LRRC56: variants seen among roughly 807,000 people sequenced by gnomAD.
LRRC56 encodes the protein leucine-rich repeat-containing protein 56.
Under a neutral mutation model 47.8 loss-of-function variants are expected in LRRC56, and 41 were observed. That is an observed-to-expected ratio of 0.86 (90% confidence interval 0.67 to 1.11). The LOEUF is 1.11. Among genes scored for constraint, LRRC56 ranks in the 50% most tolerant of loss-of-function variants. The pLI, the probability that LRRC56 is intolerant of heterozygous loss-of-function variation, is 0.00. For missense variants in LRRC56, 759 were observed against 704.2 expected (o/e 1.08, Z -0.88); for synonymous variants, 387 against 311.2 (o/e 1.24, Z -2.56).
the LRRC56 span, among the ~76,000 whole-genome samples, chr11:515,944 C>T: frequency 6.6e-6 from 1 of 152,344 alleles, no homozygotes; most frequent in Non-Finnish European, 1.5e-5. Context: ...CCATTTGTTG[C>T]TAAGATTCTC....
the LRRC56 span, among the ~76,000 whole-genome samples, chr11:515,480 A>T: frequency 1.3e-5 from 2 of 152,144 alleles, no homozygotes; most frequent in African/African-American, 4.8e-5. Context: ...CCCAAGTCAC[A>T]CTGACATCCT....
chr11:510,969 A>G, the LRRC56 span, among the ~76,000 whole-genome samples: 1 of 152,102 alleles, frequency 6.6e-6, no homozygotes, highest in Non-Finnish European at 1.5e-5. Flanking sequence ...AGATGTGTAC[A>G]TAAAGTGCAC....
intron 6 of LRRC56, 98 bp from the exon 7 acceptor site, chr11:549,789 AGAGGCCACCATAGGT>A (rs1852278876): frequency 1.2e-6 from 1 of 832,828 alleles, no homozygotes. Flanking sequence ...TCCTCAGTCT[AGAGGCCACCATAGGT>A]GGTCACACCT....
intron 9 of LRRC56, 72 bp from the exon 10 acceptor site, chr11:551,579 G>A (rs1221403221): frequency 2.7e-6 from 4 of 1,486,722 alleles, no homozygotes; most frequent in African/African-American, 2.8e-5. Context: ...TGGGGCCCCT[G>A]GTCTGTGGAC....
the LRRC56 span, among the ~76,000 whole-genome samples, chr11:513,715 T>G: frequency 6.6e-6 from 1 of 150,568 alleles, no homozygotes; most frequent in African/African-American, 2.4e-5. Context: ...AAGAAATTGC[T>G]GGCCGGGTGT....
chr11:519,000 G>C, the LRRC56 span, among the ~76,000 whole-genome samples: 7 of 152,124 alleles, frequency 4.6e-5, no homozygotes, highest in Non-Finnish European at 5.9e-5. Flanking sequence ...GAGGGCGCGC[G>C]AGGCGCCGCA....
the LRRC56 span, among the ~76,000 whole-genome samples, chr11:525,340 C>T: frequency 2.6e-5 from 4 of 152,070 alleles, no homozygotes; most frequent in South Asian, 8.3e-4. Context: ...GAGATCGAGA[C>T]CATCCTGGCT....
At chr11:531,310 G>A in the LRRC56 span, among the ~76,000 whole-genome samples, 2 of 152,174 alleles carry the variant, frequency 1.3e-5, no homozygotes, top group African/African-American at 4.8e-5. Flanking sequence ...AACCCTGACA[G>A]GGCACAAGTC....
intron 1 of LRRC56, among the ~76,000 whole-genome samples, chr11:538,036 G>A (rs1223906830): frequency 6.6e-6 from 1 of 152,198 alleles, no homozygotes; most frequent in Non-Finnish European, 1.5e-5. Flanking sequence ...CCAATTTGGG[G>A]AGCATGGGGG....
At chr11:523,352 G>A in the LRRC56 span, among the ~76,000 whole-genome samples, 1 of 150,674 alleles carries the variant, frequency 6.6e-6, no homozygotes, top group African/African-American at 2.4e-5. Context: ...CAATCTGGGG[G>A]CCGGGCGTGG....
chr11:510,883 TGG>T, the LRRC56 span, among the ~76,000 whole-genome samples: 1 of 152,076 alleles, frequency 6.6e-6, no homozygotes, highest in Non-Finnish European at 1.5e-5. Context: ...CACTCCAGCC[TGG>T]GTGACAGAGT....
In LRRC56 at chr11:551,761, C is replaced by T. The variant is rs1224459466; in HGVS notation, c.907C>T (p.Pro303Ser). 5.0e-6 allele frequency: 8 copies of T among 1,610,702 alleles called. No individual in the cohort carries two copies. Among genetic ancestry groups the T allele is most frequent in the Non-Finnish European group, 6.8e-6 (8 of 1,178,926 alleles). The change falls in exon 10 of 14, where the codon CCC becomes TCC. Residue 303 changes from proline (P) to serine (S), a missense_variant. Physicochemically the swap from Pro to Ser is moderately conservative, Grantham distance 74 (BLOSUM62 -1). Transcript: ENST00000270115. ...WPFSLLVRGG[P>S]LPEGLLSEDL... is the part of the protein sequence containing the mutation. ...CTTCTCCCTGCTGGTCCGTGGGGGC[C>T]CCCTGCCTGAAGGCCTGCTTTCTGA...
At chr11:549,052 A>G (rs948241957) in intron 6 of LRRC56, among the ~76,000 whole-genome samples, 1 of 152,176 alleles carries the variant, frequency 6.6e-6, no homozygotes, top group African/African-American at 2.4e-5. Context: ...CCACAGCGCG[A>G]AAGGACGGAC....
intron 2 of LRRC56, among the ~76,000 whole-genome samples, chr11:539,070 C>T (rs1169553437): frequency 6.6e-6 from 1 of 152,172 alleles, no homozygotes; most frequent in Admixed American, 6.5e-5. Context: ...AGGCAGATGT[C>T]TGCATCTTTG....
intron 6 of LRRC56, among the ~76,000 whole-genome samples, chr11:549,450 C>T (rs374435183): frequency 3.7e-4 from 57 of 152,212 alleles, no homozygotes; most frequent in African/African-American, 1.3e-3. Context: ...AGCTGGTCCC[C>T]ACAAAAGCTG....
upstream of LRRC56, chr11:537,324 C>T (rs968892716): frequency 1.3e-5 from 2 of 152,220 alleles, no homozygotes; most frequent in African/African-American, 2.4e-5. Context: ...GTCACCTTCC[C>T]CTGGGATCGC....
At chr11:507,502 C>T in the LRRC56 span, among the ~76,000 whole-genome samples, 1 of 152,110 alleles carries the variant, frequency 6.6e-6, no homozygotes, top group East Asian at 1.9e-4. Flanking sequence ...GGCGCGTGTG[C>T]GTGTTGTGGG....
intron 1 of LRRC56, 87 bp downstream of exon 1, chr11:537,692 C>G (rs938741168): frequency 1.3e-5 from 2 of 152,326 alleles, no homozygotes; most frequent in African/African-American, 4.8e-5. Flanking sequence ...GAGGCGTGGG[C>G]GCGGGGACGA....
At chr11:544,971 G>A (rs1391155553) in intron 6 of LRRC56, among the ~76,000 whole-genome samples, 191 bp downstream of exon 6, 3 of 152,046 alleles carry the variant, frequency 2.0e-5, no homozygotes, top group Non-Finnish European at 4.4e-5. Flanking sequence ...GGATGGGCAG[G>A]TGGGGGGAGC....
Sources: allele counts gnomAD v4.1 joint callset (sites outside exome capture counted in the v4.1 genomes callset), GRCh38; gene constraint gnomAD v4.1.1; transcripts MANE v1.5; gene names NCBI Gene and HGNC (gene_info 2026-07-23, HGNC 2026-07-21).